PACRGL: variants seen among roughly 807,000 people sequenced by gnomAD.
PACRGL encodes PACRG-like protein.
PACRGL carries 38 observed loss-of-function variants against 34.5 expected under a neutral mutation model. The observed-to-expected ratio is 1.10, with a 90% CI of 0.85 to 1.44. PACRGL has a LOEUF of 1.44. PACRGL is among the 40% of genes most tolerant of loss of function. The pLI, the probability that PACRGL is intolerant of heterozygous loss-of-function variation, is 0.00. For missense variants in PACRGL, 305 were observed against 281.4 expected, an observed-to-expected ratio of 1.08 and a Z score of -0.60; for synonymous variants, 128 against 100.1, an observed-to-expected ratio of 1.28 and a Z score of -1.66.
Position 20,741,282 on chromosome 4 carries a change from T to C in PACRGL, c.*57-11283T>C, listed in dbSNP as rs865950681. ...ACAGAATATAGATTCTTCTCAGCAC[T>C]ACGTCACACTTATTCCAAAATTGAC... On this transcript the variant is annotated intron_variant, in intron 8 of 8. Coordinates refer to the PACRGL transcript ENST00000507634. Among the ~76,000 whole-genome samples, 25 of 152,152 alleles carry C rather than the reference T, an allele frequency of 1.6e-4. No individual in the cohort carries two copies. The Middle Eastern group carries it at 0.01, about 62-fold the overall frequency.
intron 8 of PACRGL, among the ~76,000 whole-genome samples, chr4:20,725,348 G>A (rs1281993715): frequency 8.5e-6 from 1 of 117,476 alleles, no homozygotes; most frequent in East Asian, 2.1e-4. Context: ...TACCCCCATA[G>A]GTGTACACAC....
intron 7 of PACRGL, chr4:20,716,151 G>A: frequency 7.0e-7 from 1 of 1,430,390 alleles, no homozygotes. Flanking sequence ...TCTTAGGTTT[G>A]ATGATTTGCC....
rs1746784715 is a variant in PACRGL at position 20,728,699 on chromosome 4, C to T, written c.*1358C>T. The T allele has an allele frequency of 6.6e-6, 1 of 152,606 alleles. No homozygotes were observed. Among genetic ancestry groups the T allele is most frequent in the Non-Finnish European group, 1.5e-5 (1 of 68,024 alleles). The allele number at this position is 152,606 out of a possible 1,614,324, so 9.5% of individuals were successfully genotyped here. A position where few individuals can be genotyped will look rare whatever the true frequency, so the allele number is the denominator to read the frequency against. On this transcript the variant is annotated 3_prime_UTR_variant, in exon 9 of 9. Transcript: ENST00000503585. ...TACACAAACACGTGATGGCAAATTT[C>T]AGTGTACATGTATTGTACTACTCTT...
intron 7 of PACRGL, chr4:20,719,010 C>G (rs1398456802): frequency 3.3e-5 from 5 of 152,134 alleles, no homozygotes; most frequent in African/African-American, 1.2e-4. Context: ...ATTTCCGAGC[C>G]TGTTATTGGT....
At chr4:20,718,950 C>T (rs936684492) in intron 7 of PACRGL, 1 of 152,144 alleles carries the variant, frequency 6.6e-6, no homozygotes, top group Admixed American at 6.5e-5. Flanking sequence ...GCTGTGAATC[C>T]ATCTGGTCCT....
intron 6 of PACRGL, 179 bp downstream of exon 6, chr4:20,713,101 T>A: frequency 3.2e-6 from 2 of 616,256 alleles, no homozygotes; most frequent in East Asian, 5.9e-5. Context: ...GATAACTACA[T>A]ACTTGAAGAC....
In PACRGL at chr4:20,730,133, T is replaced by TAAGGGAGAAACA; in HGVS notation, c.*2793_*2804dup. ...TGGAGCGCATTATGTTTTCATCCTGTAAGGGAGAAACACAGAGCGATTAAA... is the reference window on the plus strand; with the variant it reads ...TGGAGCGCATTATGTTTTCATCCTGTAAGGGAGAAACAAAGGGAGAAACACAGAGCGATTAAA... On this transcript the variant is annotated 3_prime_UTR_variant, in exon 9 of 9. Coordinates refer to ENST00000503585, the MANE Select transcript of PACRGL (RefSeq NM_001258345.3). 1 of 1,605,444 alleles carries TAAGGGAGAAACA rather than the reference T, an allele frequency of 6.2e-7. No individual in the cohort carries two copies. The highest frequency in any genetic ancestry group is 8.5e-7 in the Non-Finnish European group (1 of 1,176,884).
upstream of PACRGL, among the ~76,000 whole-genome samples, chr4:20,698,363 A>G: frequency 6.6e-6 from 1 of 152,222 alleles, no homozygotes; most frequent in Non-Finnish European, 1.5e-5. Flanking sequence ...TGAATAGAAG[A>G]CAAAAGTCCA....
chr4:20,750,791 T>C (rs1333885466), intron 8 of PACRGL, among the ~76,000 whole-genome samples: 1 of 152,220 alleles, frequency 6.6e-6, no homozygotes, highest in African/African-American at 2.4e-5. Context: ...TTTTGTCTTT[T>C]CAAAATAAAA....
At chr4:20,738,398 C>T (rs1750217967) in intron 8 of PACRGL, among the ~76,000 whole-genome samples, 1 of 152,008 alleles carries the variant, frequency 6.6e-6, no homozygotes, top group African/African-American at 2.4e-5. Context: ...GGGGAGTGTG[C>T]CAAAAGATTT....
chr4:20,724,858 A>G lies in PACRGL; in HGVS notation c.660A>G (p.Ala220=), dbSNP rs1323333088. Reference sequence around the variant, plus strand: ...AATTCAAAGAGCCAATCACCAGCGCATTACAAAAGCTAGAGCAACATGGTG... The same window carrying G: ...AATTCAAAGAGCCAATCACCAGCGCGTTACAAAAGCTAGAGCAACATGGTG... The part of the protein sequence containing the change: ...DKKFKEPITS[A]LQKLEQHGGS... The change falls in exon 8 of 9, where the codon GCA becomes GCG. Residue 220 remains alanine (A), a synonymous_variant. Transcript: ENST00000503585. The G allele has an allele frequency of 1.3e-6, 2 of 1,499,152 alleles. No individual in the cohort carries two copies. The highest frequency in any genetic ancestry group is 2.3e-5 in the Admixed American group (1 of 42,602). 92.9% of individuals were successfully genotyped at this position (1,499,152 alleles called of 1,614,324 possible). A position where few individuals can be genotyped will look rare whatever the true frequency, so the allele number is the denominator to read the frequency against.
chr4:20,713,253 G>T, intron 6 of PACRGL, 179 bp from the exon 7 acceptor site: 1 of 582,356 alleles, frequency 1.7e-6, no homozygotes, highest in Non-Finnish European at 3.0e-6. Flanking sequence ...TTTGCTTCTA[G>T]ATGTCCTGTG....
intron 8 of PACRGL, among the ~76,000 whole-genome samples, chr4:20,744,871 G>A (rs1386208919): frequency 6.6e-6 from 1 of 152,086 alleles, no homozygotes; most frequent in African/African-American, 2.4e-5. Flanking sequence ...TTTCCATTTG[G>A]TGCTCCATGA....
intron 8 of PACRGL, among the ~76,000 whole-genome samples, chr4:20,737,863 G>A (rs950787873): frequency 1.5e-4 from 23 of 152,232 alleles, no homozygotes; most frequent in African/African-American, 5.5e-4. Context: ...TGGGGATCAT[G>A]GCTCATGCCT....
chr4:20,723,482 A>G (rs1744327066), intron 7 of PACRGL, among the ~76,000 whole-genome samples: 1 of 151,728 alleles, frequency 6.6e-6, no homozygotes, highest in Admixed American at 6.6e-5. Context: ...ATAAGCAGCA[A>G]GGACATCTGC....
the PACRGL span, among the ~76,000 whole-genome samples, chr4:20,766,385 G>A: frequency 6.6e-6 from 1 of 152,120 alleles, no homozygotes; most frequent in African/African-American, 2.4e-5. Context: ...GGACAACATG[G>A]TGAAACCCTG....
chr4:20,720,606 A>G (rs1742588676), intron 7 of PACRGL, among the ~76,000 whole-genome samples: 2 of 152,152 alleles, frequency 1.3e-5, no homozygotes, highest in Non-Finnish European at 2.9e-5. Context: ...GCTGGATATG[A>G]AATTTTGGGT....
At chr4:20,766,299 T>G in the PACRGL span, among the ~76,000 whole-genome samples, 1 of 152,122 alleles carries the variant, frequency 6.6e-6, no homozygotes, top group Non-Finnish European at 1.5e-5. Flanking sequence ...CCAGGCACGG[T>G]GGGTCATGCC....
At chr4:20,760,575 G>A in the PACRGL span, among the ~76,000 whole-genome samples, 4 of 152,148 alleles carry the variant, frequency 2.6e-5, no homozygotes, top group African/African-American at 9.7e-5. Context: ...ATGTGAATTT[G>A]TGTTTACAGA....
Sources: allele counts gnomAD v4.1 joint callset (sites outside exome capture counted in the v4.1 genomes callset), GRCh38; gene constraint gnomAD v4.1.1; transcripts MANE v1.5; gene names NCBI Gene and HGNC (gene_info 2026-07-23, HGNC 2026-07-21).